The following C1QTNF7 variants were observed in gnomAD, a reference collection of about 807,000 sequenced individuals.
C1QTNF7 encodes complement C1q tumor necrosis factor-related protein 7.
Under a neutral mutation model 19.6 loss-of-function variants are expected in C1QTNF7, and 15 were observed. The observed-to-expected ratio is 0.76, with a 90% CI of 0.51 to 1.18. The LOEUF (loss-of-function observed/expected upper bound fraction) is 1.18, where lower values mean the gene tolerates loss of function less well. Ranked by LOEUF, C1QTNF7 falls within the 50% of genes most tolerant of loss-of-function variation. The pLI is 0.00. For synonymous variants in C1QTNF7, 142 were observed against 137.5 expected (o/e 1.03, Z -0.23); for missense variants, 324 against 359.7 (o/e 0.90, Z 0.80).
Position 15,442,512 on chromosome 4 carries a change from T to C in C1QTNF7, c.583T>C (p.Phe195Leu). The change falls in exon 3 of 3, where the codon TTT (phenylalanine) becomes CTT (leucine). Residue 195 changes from phenylalanine (F) to leucine (L), a missense_variant. By Grantham distance (22) the Phe-to-Leu change is conservative (BLOSUM62 0). Coordinates refer to ENST00000444304, the MANE Select transcript of C1QTNF7 (RefSeq NM_031911.5). ...CTGTGCTTTCCCAGGGATCTATTAC[T>C]TTTCTTATGATATCACATTGGCTAA... ...FICAFPGIYYFSYDITLANKH... is the reference protein window; with the variant it reads ...FICAFPGIYYLSYDITLANKH... 6.2e-7 allele frequency: 1 copy of C among 1,614,224 alleles called. No homozygotes were observed. Among genetic ancestry groups the C allele is most frequent in the South Asian group, 1.1e-5 (1 of 91,090 alleles).
At chr4:15,372,470 T>C (rs550385466) in intron 1 of C1QTNF7, among the ~76,000 whole-genome samples, 25 of 152,298 alleles carry the variant, frequency 1.6e-4, no homozygotes, top group African/African-American at 5.8e-4. Context: ...TGTGAGAAAA[T>C]ACATTTCTGT....
intron 1 of C1QTNF7, among the ~76,000 whole-genome samples, chr4:15,404,228 C>T (rs979861357): frequency 7.2e-5 from 11 of 152,132 alleles, no homozygotes; most frequent in African/African-American, 2.4e-4. Flanking sequence ...ATGAGCTGCT[C>T]CTTCTATGCC....
At chr4:15,350,107 G>GAGGGAGGGAGAGAGGAAGGC (rs1560337352) in intron 1 of C1QTNF7, among the ~76,000 whole-genome samples, 6 of 117,748 alleles carry the variant, frequency 5.1e-5, no homozygotes, top group African/African-American at 1.7e-4. Flanking sequence ...GAGAGGAAGG[G>GAGGGAGGGAGAGAGGAAGGC]AGGCAGGCAG....
At chr4:15,344,551 A>G (rs1041998154) in intron 1 of C1QTNF7, among the ~76,000 whole-genome samples, 2 of 152,116 alleles carry the variant, frequency 1.3e-5, no homozygotes, top group Non-Finnish European at 2.9e-5. Flanking sequence ...GTAAAATGGG[A>G]AGGGTAGGAG....
chr4:15,418,847 C>G (rs1711593087), intron 1 of C1QTNF7, among the ~76,000 whole-genome samples: 1 of 152,164 alleles, frequency 6.6e-6, no homozygotes, highest in Non-Finnish European at 1.5e-5. Context: ...TATGCAGAGC[C>G]CTCAGCACAG....
intron 1 of C1QTNF7, among the ~76,000 whole-genome samples, chr4:15,384,189 T>A (rs899135206): frequency 1.3e-5 from 2 of 152,182 alleles, no homozygotes; most frequent in African/African-American, 4.8e-5. Flanking sequence ...CTGGGATCAT[T>A]GCTTAAGATA....
intron 1 of C1QTNF7, among the ~76,000 whole-genome samples, chr4:15,393,222 G>A (rs1237248974): frequency 6.6e-6 from 1 of 152,126 alleles, no homozygotes; most frequent in Non-Finnish European, 1.5e-5. Context: ...GGCCTCCCTA[G>A]CCATGTGGAA....
chr4:15,360,194 G>T (rs1256688388), intron 1 of C1QTNF7, among the ~76,000 whole-genome samples: 1 of 146,648 alleles, frequency 6.8e-6, no homozygotes, highest in Admixed American at 6.9e-5. Flanking sequence ...GGGAGACCAG[G>T]TGTTTAAGAG....
At chr4:15,403,839 A>G (rs1719085469) in intron 1 of C1QTNF7, among the ~76,000 whole-genome samples, 1 of 152,208 alleles carries the variant, frequency 6.6e-6, no homozygotes, top group Non-Finnish European at 1.5e-5. Flanking sequence ...TGTATTCTTT[A>G]TGTTTTGTTC....
chr4:15,374,022 G>A (rs959228399), intron 1 of C1QTNF7: 1 of 152,198 alleles, frequency 6.6e-6, no homozygotes, highest in Non-Finnish European at 1.5e-5. Context: ...CTGCAGCTGT[G>A]AAAATCAAGA....
At chr4:15,374,622 C>T (rs1451190470) in intron 1 of C1QTNF7, 19 of 985,254 alleles carry the variant, frequency 1.9e-5, no homozygotes, top group Non-Finnish European at 1.2e-6. Context: ...CTTTTGAAAG[C>T]GAATCAGGAA....
intron 1 of C1QTNF7, among the ~76,000 whole-genome samples, chr4:15,350,257 GAGA>G (rs1560337520): frequency 1.0e-4 from 12 of 117,474 alleles, no homozygotes; most frequent in Non-Finnish European, 1.7e-4. Context: ...GAGGGAAGGA[GAGA>G]GGGAGGGAGG....
chr4:15,388,807 T>C (rs1432342395), intron 1 of C1QTNF7, among the ~76,000 whole-genome samples: 2 of 152,138 alleles, frequency 1.3e-5, no homozygotes, highest in African/African-American at 4.8e-5. Flanking sequence ...GATCAGGAGC[T>C]GAAATCTCCA....
At chr4:15,418,142 C>T (rs945344726) in intron 1 of C1QTNF7, among the ~76,000 whole-genome samples, 1 of 152,126 alleles carries the variant, frequency 6.6e-6, no homozygotes, top group Admixed American at 6.5e-5. Context: ...AATCTCTCCA[C>T]TTCTCTCGTT....
At chr4:15,393,478 C>T (rs1034247135) in intron 1 of C1QTNF7, among the ~76,000 whole-genome samples, 4 of 152,190 alleles carry the variant, frequency 2.6e-5, no homozygotes, top group Non-Finnish European at 4.4e-5. Context: ...TCAACCCTGC[C>T]CTTTCTCAGA....
chr4:15,350,703 G>C (rs1046000318), intron 1 of C1QTNF7, among the ~76,000 whole-genome samples: 1 of 152,056 alleles, frequency 6.6e-6, no homozygotes, highest in Non-Finnish European at 1.5e-5. Context: ...ATATTAATAG[G>C]GCCATTATCA....
intron 1 of C1QTNF7, among the ~76,000 whole-genome samples, chr4:15,416,706 G>C (rs1719619304): frequency 6.6e-6 from 1 of 152,226 alleles, no homozygotes; most frequent in African/African-American, 2.4e-5. Context: ...TCTGAGGAAA[G>C]ACAGACTAAT....
intron 1 of C1QTNF7, among the ~76,000 whole-genome samples, chr4:15,380,883 C>G (rs1718116111): frequency 6.6e-6 from 1 of 150,936 alleles, no homozygotes. Context: ...TGCAATGAGC[C>G]AAGATCACAC....
chr4:15,405,139 C>A (rs1209759611), intron 1 of C1QTNF7, among the ~76,000 whole-genome samples: 3 of 152,154 alleles, frequency 2.0e-5, no homozygotes, highest in African/African-American at 4.8e-5. Flanking sequence ...GGGTCCCTGG[C>A]ACTGGTTCAG....
Sources: allele counts gnomAD v4.1 joint callset (sites outside exome capture counted in the v4.1 genomes callset), GRCh38; gene constraint gnomAD v4.1.1; transcripts MANE v1.5; gene names NCBI Gene and HGNC (gene_info 2026-07-23, HGNC 2026-07-21).